Variants in KANTR observed in about 807,000 individuals in gnomAD.
The protein encoded by KANTR is KDM5C adjacent transcript.
At chrX:53,124,777 G>A in exon 3 of KANTR, 1 of 175,014 alleles carries the variant, frequency 5.7e-6, no homozygotes, top group Non-Finnish European at 1.1e-5. Flanking sequence ...TATGGTCAGA[G>A]GATGTGGTTT....
intron 2 of KANTR, among the ~76,000 whole-genome samples, chrX:53,107,805 A>G (rs1331249195): frequency 9.1e-6 from 1 of 110,359 alleles, no homozygotes; most frequent in Non-Finnish European, 1.9e-5. Context: ...TGCTCAAACT[A>G]GAGTGCAATG....
chrX:53,118,152 T>C (rs1162801918), intron 2 of KANTR, among the ~76,000 whole-genome samples: 46 of 111,358 alleles, frequency 4.1e-4, no homozygotes, highest in Non-Finnish European at 4.9e-4. Flanking sequence ...GCACACCCAT[T>C]TTTCTAAGGT....
chrX:53,143,037 G>A (rs184478407), downstream of KANTR: 5,648 of 1,199,847 alleles, frequency 4.7e-3, 21 homozygotes, highest in Non-Finnish European at 5.6e-3. Context: ...CTGTGTTGGC[G>A]TACAGGTCTT....
At chrX:53,107,483 CAT>C (rs1932970090) in intron 2 of KANTR, among the ~76,000 whole-genome samples, 1 of 106,894 alleles carries the variant, frequency 9.4e-6, no homozygotes, top group South Asian at 4.0e-4. Context: ...CTGAAATTCT[CAT>C]AGAGATTATG....
In KANTR at chrX:53,103,376, G is replaced by A. The variant is rs144481377; in HGVS notation, c.-805+3768G>A. Among the ~76,000 whole-genome samples, 97 of 110,635 alleles carry A rather than the reference G, an allele frequency of 8.8e-4. 4 individuals carry two copies. The East Asian group carries it at 0.026, about 30-fold the overall frequency. On this transcript the variant is annotated intron_variant, in intron 2 of 2. Coordinates refer to ENST00000604062, the Ensembl canonical transcript of KANTR. ...AGTACCTCCTATTTTTCTAGCTCAC[G>A]CCTACTAGTACTCCAACTCCAGCAA...
At chrX:53,121,210 G>T (rs1448495416) in intron 2 of KANTR, among the ~76,000 whole-genome samples, 1 of 111,037 alleles carries the variant, frequency 9.0e-6, no homozygotes, top group Non-Finnish European at 1.9e-5. Flanking sequence ...TGTTGGCCAG[G>T]CTGGTCTCTC....
At chrX:53,100,520 C>T (rs1468676698) in intron 2 of KANTR, among the ~76,000 whole-genome samples, 1 of 107,543 alleles carries the variant, frequency 9.3e-6, no homozygotes, top group Non-Finnish European at 1.9e-5. Context: ...AATCTGTTGG[C>T]CGGGTGCGGT....
At chrX:53,114,940 A>G (rs954630583) in intron 2 of KANTR, among the ~76,000 whole-genome samples, 1 of 105,572 alleles carries the variant, frequency 9.5e-6, no homozygotes, top group Non-Finnish European at 2.0e-5. Context: ...GAGCCTGGGA[A>G]CTGTGTGGTG....
chrX:53,111,810 C>G (rs1933046337), intron 2 of KANTR, among the ~76,000 whole-genome samples: 1 of 111,246 alleles, frequency 9.0e-6, no homozygotes, highest in Non-Finnish European at 1.9e-5. Flanking sequence ...CTTCAGGCTG[C>G]TAAAAACTTA....
chrX:53,128,571 T>A (rs1056975467), downstream of KANTR, among the ~76,000 whole-genome samples: 1 of 112,061 alleles, frequency 8.9e-6, no homozygotes, highest in Admixed American at 9.4e-5. Context: ...ATAAACTGTT[T>A]AGGATTTTTG....
At chrX:53,112,377 A>T (rs1177823748) in intron 2 of KANTR, among the ~76,000 whole-genome samples, 8 of 111,880 alleles carry the variant, frequency 7.2e-5, no homozygotes, top group African/African-American at 2.3e-4. Context: ...TCGTTAACTG[A>T]TGGGCATTTG....
intron 2 of KANTR, among the ~76,000 whole-genome samples, chrX:53,133,434 A>G (rs1556817270): frequency 9.1e-6 from 1 of 110,306 alleles, no homozygotes; most frequent in South Asian, 3.9e-4. Flanking sequence ...TGGCCTAGTC[A>G]CCCACTCCCC....
At chrX:53,145,246 T>C (rs1218059804), downstream of KANTR, among the ~76,000 whole-genome samples, 4 of 111,804 alleles carry the variant, frequency 3.6e-5, no homozygotes, top group South Asian at 1.1e-3. Context: ...GGGAATTCCC[T>C]TTCCTAGTCA....
At chrX:53,143,363 C>T (rs1486342015), downstream of KANTR, 88 of 745,199 alleles carry the variant, frequency 1.2e-4, no homozygotes, top group Non-Finnish European at 1.2e-4. Context: ...TTGGTCAGGT[C>T]CTGGCCAGCC....
At chrX:53,140,254 T>C (rs1340200383) in intron 2 of KANTR, among the ~76,000 whole-genome samples, 1 of 111,873 alleles carries the variant, frequency 8.9e-6, no homozygotes, top group Non-Finnish European at 1.9e-5. Context: ...CCCAGCACTT[T>C]GGAAGGCCGA....
intron 2 of KANTR, among the ~76,000 whole-genome samples, chrX:53,111,694 G>C (rs1329079185): frequency 9.0e-6 from 1 of 111,625 alleles, no homozygotes; most frequent in East Asian, 2.8e-4. Flanking sequence ...CCAAGGGAAC[G>C]AATACAGTCA....
At chrX:53,127,707 A>G (rs2146749105), downstream of KANTR, among the ~76,000 whole-genome samples, 1 of 111,428 alleles carries the variant, frequency 9.0e-6, no homozygotes, top group South Asian at 3.8e-4. Flanking sequence ...CTCTTACTCA[A>G]ATAGCCCTCA....
At chrX:53,132,509 G>T (rs1933371707) in intron 2 of KANTR, among the ~76,000 whole-genome samples, 1 of 112,424 alleles carries the variant, frequency 8.9e-6, no homozygotes, top group Middle Eastern at 4.6e-3. Flanking sequence ...ACTACAGTGA[G>T]ATTTTACTTT....
rs782058875 is a variant in KANTR, at chrX:53,106,158, G to C, written c.-805+6550G>C. Among the ~76,000 whole-genome samples, 5 of 109,598 alleles carry C rather than the reference G, an allele frequency of 4.6e-5. No individual in the cohort carries two copies. The South Asian group carries it at 1.9e-3, about 41-fold the overall frequency. The stretch of plus-strand genomic sequence containing the variant: ...AGGCGTGAGCCACCGCGCCTGGCCA[G>C]ATAATATGAATTATAAATATTTTCT... On this transcript the variant is annotated intron_variant, in intron 2 of 2. Transcript: ENST00000604062.
Sources: allele counts gnomAD v4.1 joint callset (sites outside exome capture counted in the v4.1 genomes callset), GRCh38; gene constraint gnomAD v4.1.1; transcripts MANE v1.5; gene names NCBI Gene and HGNC (gene_info 2026-07-23, HGNC 2026-07-21).